FBH1: variants seen among roughly 807,000 people sequenced by gnomAD.
The protein encoded by FBH1 is F-box DNA helicase 1, also known as DNA 3'-5' helicase 1.
FBH1 carries 43 observed loss-of-function variants against 115.5 expected under a neutral mutation model. That is an observed-to-expected ratio of 0.37 (90% CI 0.29 to 0.48). The LOEUF is 0.48. Among genes scored for constraint, FBH1 ranks in the 20% least tolerant of loss-of-function variants. The pLI is 0.99. For missense variants in FBH1, 1,001 were observed against 1,337.3 expected (o/e 0.75, Z 3.92); for synonymous variants, 524 against 507.8 (o/e 1.03, Z -0.43).
In FBH1 at chr10:5,923,123, T is replaced by TC. The variant is rs1275916644; in HGVS notation, c.2323-496dup. Among the ~76,000 whole-genome samples, 1 of 152,198 alleles carries TC rather than the reference T, an allele frequency of 6.6e-6. No homozygotes were observed. The highest frequency in any genetic ancestry group is 1.9e-4 in the East Asian group (1 of 5,200). On this transcript the variant is annotated intron_variant, in intron 15 of 20. Coordinates refer to ENST00000362091, the MANE Select transcript of FBH1 (RefSeq NM_178150.3). The surrounding 1 kb of genome is among the most constrained non-coding windows in gnomAD (Gnocchi z 5.7). ...GTCTTGAACTCCTGGCCTCAAGTGA[T>TC]CCACCTGCCTCAGCCTCCCAAAGTG...
chr10:5,906,530 T>C lies in FBH1; in HGVS notation c.651T>C (p.Ser217=). Residue 217 remains serine (S), a synonymous_variant, in exon 3 of 21, where the codon AGT becomes AGC. Coordinates refer to ENST00000362091, the MANE Select transcript of FBH1 (RefSeq NM_178150.3). This position sits in a 1 kb window ranked among gnomAD's most constrained non-coding sequence, Gnocchi z 7.3. ...EALSHICSLP[S]EVLRHVFAFL... is the part of the protein sequence containing the mutation. ...TGAGCCACATTTGCAGCCTGCCTAG[T>C]GAGGTCCTGAGGCACGTGTTTGCCT... 6.2e-7 allele frequency: 1 copy of C among 1,614,080 alleles called. No homozygotes were observed. Among genetic ancestry groups the C allele is most frequent in the Non-Finnish European group, 8.5e-7 (1 of 1,179,996 alleles).
intron 2 of FBH1, among the ~76,000 whole-genome samples, chr10:5,904,775 A>G (rs1157551148): frequency 6.6e-6 from 1 of 152,198 alleles, no homozygotes; most frequent in Non-Finnish European, 1.5e-5. Context: ...ACCTGTAGTA[A>G]TAGTGAAGTC....
At chr10:5,929,767 G>A (rs899999602) in intron 19 of FBH1, 1 of 152,034 alleles carries the variant, frequency 6.6e-6, no homozygotes, top group Non-Finnish European at 1.5e-5. Context: ...GCTGACCTCT[G>A]GTTTAAAGAA....
rs946683488 is a variant in FBH1, at chr10:5,915,692, C to T, written c.1565+121C>T. 9.5e-6 allele frequency: 8 copies of T among 840,792 alleles called. No individual in the cohort carries two copies. The highest frequency in any genetic ancestry group is 1.3e-5 in the Non-Finnish European group (7 of 539,806). 52.1% of individuals were successfully genotyped at this position (840,792 alleles called of 1,614,324 possible). A position where few individuals can be genotyped will look rare whatever the true frequency, so the allele number is the denominator to read the frequency against. On this transcript the variant is annotated intron_variant, in intron 9 of 20. Coordinates refer to ENST00000362091, the MANE Select transcript of FBH1 (RefSeq NM_178150.3). The surrounding 1 kb of genome is among the most constrained non-coding windows in gnomAD (Gnocchi z 5.2). The stretch of plus-strand genomic sequence containing the variant: ...ACCCCGAGGAGTGTAGTGCTGTTAT[C>T]TCCACTTACAGGCAGGAAACAAATA...
Position 5,932,436 on chromosome 10 carries a change from T to C in FBH1, c.2830-4020T>C, listed in dbSNP as rs535117157. On this transcript the variant is annotated intron_variant, in intron 19 of 20. Transcript: ENST00000362091. The surrounding 1 kb of genome is among the most constrained non-coding windows in gnomAD (Gnocchi z 5.9). ...TTTTATTTTTTGCCCTTTTATTCTT[T>C]TATTTGTTGTCCTACCCAAATTAGG... Among the ~76,000 whole-genome samples the C allele has an allele frequency of 6.6e-6, 1 of 152,324 alleles. No homozygotes were observed. Among genetic ancestry groups the C allele is most frequent in the South Asian group, 2.1e-4 (1 of 4,828 alleles).
intron 3 of FBH1, among the ~76,000 whole-genome samples, chr10:5,907,393 C>G (rs539190712): frequency 1.3e-5 from 2 of 151,876 alleles, no homozygotes; most frequent in South Asian, 4.2e-4. Context: ...TCATTTGTCT[C>G]AAGATATTTT....
chr10:5,890,337 G>C lies in FBH1; in HGVS notation c.-9G>C, dbSNP rs1006063777. On this transcript the variant is annotated 5_prime_UTR_variant, in exon 1 of 21. Coordinates refer to ENST00000362091, the MANE Select transcript of FBH1 (RefSeq NM_178150.3). ...GCGGCGGCAGCGGGGTCCGGGTCCG[G>C]AGCGCCACAGTGCGTGAGGCCGCAG... 2.7e-6 allele frequency: 1 copy of C among 377,268 alleles called. No individual in the cohort carries two copies. The highest frequency in any genetic ancestry group is 4.0e-5 in the East Asian group (1 of 24,978). 23.4% of individuals were successfully genotyped at this position (377,268 alleles called of 1,614,324 possible).
rs137963663 is a variant in FBH1 at position 5,937,271 on chromosome 10, C to T, written c.3123C>T (p.Leu1041=). The T allele has an allele frequency of 4.5e-4, 713 of 1,600,690 alleles. No homozygotes were observed. Among genetic ancestry groups the T allele is most frequent in the Non-Finnish European group, 5.7e-4 (668 of 1,172,420 alleles). The stretch of plus-strand genomic sequence containing the variant: ...CCCGGCATGAGGCCCTGCTCTTCCT[C>T]GTCTTCTGAGGACAAGGCGCACGTT... The part of the protein sequence containing the change: ...VLPRHEALLF[L]VF The change falls in exon 21 of 21, where the codon CTC becomes CTT. Residue 1041 remains leucine (L), a synonymous_variant. Coordinates refer to ENST00000362091, the MANE Select transcript of FBH1 (RefSeq NM_178150.3).
chr10:5,927,114 C>T (rs968743739), intron 18 of FBH1, among the ~76,000 whole-genome samples: 1 of 152,204 alleles, frequency 6.6e-6, no homozygotes, highest in Admixed American at 6.5e-5. Context: ...GTCTGTCTCA[C>T]GGGCTTGTTG....
At chr10:5,903,689 A>G (rs1388569383) in intron 2 of FBH1, among the ~76,000 whole-genome samples, 1 of 152,170 alleles carries the variant, frequency 6.6e-6, no homozygotes, top group Non-Finnish European at 1.5e-5. Flanking sequence ...GACAAGTGTG[A>G]TGGAATGAAT....
At chr10:5,894,153 T>A (rs774307213) in intron 1 of FBH1, 169 of 985,308 alleles carry the variant, frequency 1.7e-4, no homozygotes, top group Non-Finnish European at 2.0e-4. Context: ...TCTGCGTCAG[T>A]GAATACCTGG....
At position 5,924,986 on chromosome 10, in the gene FBH1, A is replaced by G. The variant is rs944975333; in HGVS notation, c.2597-381A>G. 4.6e-5 allele frequency among the ~76,000 whole-genome samples: 7 copies of G among 152,148 alleles called. No homozygotes were observed. The highest frequency in any genetic ancestry group is 3.2e-3 in the Middle Eastern group (1 of 316). ...GGCTCTTTATTCTGTTCTACTTTCA[A>G]GCCCGTACAATGGGATTTTCTAGTC... On this transcript the variant is annotated intron_variant, in intron 17 of 20. Transcript: ENST00000362091. This position sits in a 1 kb window ranked among gnomAD's most constrained non-coding sequence, Gnocchi z 6.2.
Position 5,910,581 on chromosome 10 carries a change from G to A in FBH1, c.1021-357G>A, listed in dbSNP as rs1831519646. Among the ~76,000 whole-genome samples, 1 of 152,110 alleles carries A rather than the reference G, an allele frequency of 6.6e-6. No individual in the cohort carries two copies. The highest frequency in any genetic ancestry group is 6.5e-5 in the Admixed American group (1 of 15,278). ...TTGCTGGCTGTTTTGCTCTGGCCCT[G>A]CCAAGCACATATGGACCTGAGAGCC... On this transcript the variant is annotated intron_variant, in intron 5 of 20. Transcript: ENST00000362091. This position sits in a 1 kb window ranked among gnomAD's most constrained non-coding sequence, Gnocchi z 4.8.
intron 19 of FBH1, chr10:5,934,553 T>A (rs1167904018): frequency 6.6e-6 from 1 of 152,040 alleles, no homozygotes; most frequent in Non-Finnish European, 1.5e-5. Context: ...ATTTTTGTAT[T>A]TTTAGTAGAG....
Position 5,925,141 on chromosome 10 carries a change from C to T in FBH1, c.2597-226C>T, listed in dbSNP as rs1169435276. Reference sequence around the variant, plus strand: ...GGGATGTGATTCCGAGAGGCGTTAACTCTCCTGCAACTAATTTTCGACTTT... The same window carrying T: ...GGGATGTGATTCCGAGAGGCGTTAATTCTCCTGCAACTAATTTTCGACTTT... On this transcript the variant is annotated intron_variant, in intron 17 of 20. Coordinates refer to ENST00000362091, the MANE Select transcript of FBH1 (RefSeq NM_178150.3). This position sits in a 1 kb window ranked among gnomAD's most constrained non-coding sequence, Gnocchi z 4.6. The T allele has an allele frequency of 5.7e-6, 3 of 522,712 alleles. No individual in the cohort carries two copies. Among genetic ancestry groups the T allele is most frequent in the Non-Finnish European group, 1.0e-5 (3 of 295,668 alleles). The allele number at this position is 522,712 out of a possible 1,614,324, so 32.4% of individuals were successfully genotyped here.
rs1198277404 is a variant in FBH1, at chr10:5,917,267, TGAG to T, written c.1789-149_1789-147del. The T allele has an allele frequency of 1.4e-5, 9 of 647,940 alleles. No individual in the cohort carries two copies. The highest frequency in any genetic ancestry group is 5.4e-5 in the South Asian group (3 of 55,430). 40.1% of individuals were successfully genotyped at this position (647,940 alleles called of 1,614,324 possible). On this transcript the variant is annotated intron_variant, in intron 10 of 20. Coordinates refer to ENST00000362091, the MANE Select transcript of FBH1 (RefSeq NM_178150.3). The surrounding 1 kb of genome is among the most constrained non-coding windows in gnomAD (Gnocchi z 5.6). ...AGACCCTCTGGCGTGGAGAGGCTGT[TGAG>T]GAGACCCAGGAGGTTAGGGTGGTGT...
intron 1 of FBH1, among the ~76,000 whole-genome samples, chr10:5,896,887 G>A (rs534916486): frequency 2.0e-5 from 3 of 152,188 alleles, no homozygotes; most frequent in Non-Finnish European, 2.9e-5. Flanking sequence ...TGAGCTTTGC[G>A]TGACTCAGGG....
chr10:5,908,505 T>C, intron 3 of FBH1, among the ~76,000 whole-genome samples: 1 of 152,218 alleles, frequency 6.6e-6, no homozygotes, highest in East Asian at 1.9e-4. Context: ...TTGTGTAACA[T>C]TTCTGCCTGA....
Position 5,917,700 on chromosome 10 carries a change from G to A in FBH1, c.1963+24G>A, listed in dbSNP as rs1214912824. 1 of 1,578,474 alleles carries A rather than the reference G, an allele frequency of 6.3e-7. No homozygotes were observed. The highest frequency in any genetic ancestry group is 8.7e-7 in the Non-Finnish European group (1 of 1,148,912). On this transcript the variant is annotated intron_variant, in intron 12 of 20. Coordinates refer to ENST00000362091, the MANE Select transcript of FBH1 (RefSeq NM_178150.3). The surrounding 1 kb of genome is among the most constrained non-coding windows in gnomAD (Gnocchi z 5.6). ...AGGTGATACACTGTTCAGGACATCA[G>A]TAGTGTCAAATACGTAGAAACAGCG...
Sources: gnomAD v4.1 joint callset for allele counts (sites outside exome capture counted in the v4.1 genomes callset) on GRCh38, gnomAD v4.1.1 for gene constraint, Gnocchi (gnomAD v3.1) non-coding constraint, MANE v1.5 for transcripts, NCBI Gene and HGNC (gene_info 2026-07-23, HGNC 2026-07-21) for gene names.